The following HAUS6 variants were observed in gnomAD, a reference collection of about 807,000 sequenced individuals.
The protein encoded by HAUS6 is HAUS augmin-like complex subunit 6.
HAUS6 carries 80 observed loss-of-function variants against 106.8 expected under a neutral mutation model. The observed-to-expected ratio is 0.75, with a 90% confidence interval of 0.63 to 0.90. The LOEUF (loss-of-function observed/expected upper bound fraction) is 0.90. Ranked by LOEUF, HAUS6 falls within the 40% of genes least tolerant of loss-of-function variation. The pLI, the probability that HAUS6 is intolerant of heterozygous loss-of-function variation, is 0.00. For missense variants in HAUS6, 1,155 were observed against 1,118.1 expected (o/e 1.03, Z -0.47); for synonymous variants, 356 against 379.1 (o/e 0.94, Z 0.71).
intron 5 of HAUS6, among the ~76,000 whole-genome samples, chr9:19,088,195 A>G (rs1016166511): frequency 6.6e-6 from 1 of 152,076 alleles, no homozygotes; most frequent in Non-Finnish European, 1.5e-5. Context: ...CGGGTGGATC[A>G]CCTGAGGTCA....
chr9:19,060,129 A>G lies in HAUS6; in HGVS notation c.1724T>C (p.Phe575Ser), dbSNP rs1039152894. ...ELIDSLGSNP[F>S]LTRNQIPRTP... ...ACGGGGAATCTGATTCCTTGTTAAG[A>G]AGGGGTTAGAACCCAGAGAGTCAAT... The change falls in exon 15 of 17, where the codon TTC becomes TCC. Residue 575 changes from phenylalanine to serine, a missense_variant. Phe to Ser is a radical substitution (Grantham distance 155). Transcript: ENST00000380502. The G allele has an allele frequency of 3.7e-6, 6 of 1,606,840 alleles. No homozygotes were observed. In the African/African-American group the frequency reaches 6.7e-5, roughly 18 times the overall value.
rs1818018197 is a variant in HAUS6, at chr9:19,102,687, G to A, written c.-36C>T. The stretch of plus-strand genomic sequence containing the variant: ...GGCACGGTGGCTGCAAAGAAAGAAA[G>A]CGCAAGCCCAGGGGACTCGGAGGGC... On this transcript the variant is annotated 5_prime_UTR_variant, in exon 1 of 17. Transcript: ENST00000380502. 1 of 1,601,898 alleles carries A rather than the reference G, an allele frequency of 6.2e-7. No individual in the cohort carries two copies. Among genetic ancestry groups the A allele is most frequent in the Non-Finnish European group, 8.5e-7 (1 of 1,173,750 alleles).
chr9:19,058,752 G>A lies in HAUS6; in HGVS notation c.2015C>T (p.Thr672Ile), dbSNP rs762181341. 6 of 1,614,102 alleles carry A rather than the reference G, an allele frequency of 3.7e-6. No homozygotes were observed. The South Asian group carries it at 5.5e-5, about 15-fold the overall frequency. Residue 672 changes from threonine (T) to isoleucine (I), a missense_variant, in exon 16 of 17, where the codon ACC becomes ATC. Around this residue, in one of 3 missense-constraint regions of HAUS6, gnomAD observed 380 missense variants for 394.8 expected, o/e 0.96. Transcript: ENST00000380502. ...CECVPQKHVL[T>I]SHIDEPPTQN... is the part of the protein sequence containing the mutation. ...TGTTGGTGGTTCATCTATGTGACTG[G>A]TCAGCACATGTTTCTGAGGCACACA...
At chr9:19,083,778 G>A (rs1336990695) in intron 7 of HAUS6, among the ~76,000 whole-genome samples, 1 of 147,394 alleles carries the variant, frequency 6.8e-6, no homozygotes, top group South Asian at 2.2e-4. Context: ...CTCCAGCCTA[G>A]GGGACAGAGC....
chr9:19,092,886 T>C lies in HAUS6; in HGVS notation c.436+285A>G, dbSNP rs183453583. Among the ~76,000 whole-genome samples the C allele has an allele frequency of 5.9e-3, 862 of 147,024 alleles. 29 individuals carry two copies. The highest frequency in any genetic ancestry group is 0.049 in the Admixed American group (707 of 14,480). ...GTTGGAGTGAGCCAAGATCACAGCATTGCACTCCAGCTTGAGCGAAACTGT... is the reference window on the plus strand; with the variant it reads ...GTTGGAGTGAGCCAAGATCACAGCACTGCACTCCAGCTTGAGCGAAACTGT... On this transcript the variant is annotated intron_variant, in intron 4 of 16. Transcript: ENST00000380502.
In HAUS6 at chr9:19,071,925, C is replaced by T. The variant is rs141597039; in HGVS notation, c.1295-1625G>A. Among the ~76,000 whole-genome samples, 645 of 152,170 alleles carry T rather than the reference C, an allele frequency of 4.2e-3. 1 individual carries two copies. Among genetic ancestry groups the T allele is most frequent in the African/African-American group, 0.015 (607 of 41,530 alleles). ...AAAAATTAACTAACTATAAATGGGC[C>T]GAGCCCAGTGGCTCATGCCTGTAAT... On this transcript the variant is annotated intron_variant, in intron 11 of 16. Coordinates refer to ENST00000380502, the MANE Select transcript of HAUS6 (RefSeq NM_017645.5).
intron 14 of HAUS6, among the ~76,000 whole-genome samples, chr9:19,060,557 T>A (rs1836590172): frequency 6.6e-6 from 1 of 152,232 alleles, no homozygotes; most frequent in African/African-American, 2.4e-5. Flanking sequence ...AACTGTGAGC[T>A]TGACAGCTCT....
chr9:19,072,346 C>T (rs770223785), intron 11 of HAUS6, among the ~76,000 whole-genome samples: 1 of 152,086 alleles, frequency 6.6e-6, no homozygotes, highest in Admixed American at 6.6e-5. Flanking sequence ...AACCCCGTCT[C>T]TACTAAAAAT....
In HAUS6 at chr9:19,080,138, C is replaced by A. The variant is rs184082577; in HGVS notation, c.1064+341G>T. ...GTGGTGAGCCAAGATCGCGCCATTG[C>A]ACTCTAGCCTGGGCAACGAGAGCGA... On this transcript the variant is annotated intron_variant, in intron 9 of 16. Coordinates refer to ENST00000380502, the MANE Select transcript of HAUS6 (RefSeq NM_017645.5). Among the ~76,000 whole-genome samples the A allele has an allele frequency of 3.6e-5, 5 of 137,140 alleles. No homozygotes were observed. The East Asian group carries it at 1.1e-3, about 31-fold the overall frequency. 90.0% of individuals were successfully genotyped at this position (137,140 alleles called of 152,430 possible).
intron 1 of HAUS6, among the ~76,000 whole-genome samples, 190 bp from the exon 2 acceptor site, chr9:19,096,959 A>C (rs923880368): frequency 6.6e-6 from 1 of 152,206 alleles, no homozygotes; most frequent in South Asian, 2.1e-4. Context: ...TCATTTTCTA[A>C]TTCTGAAAAC....
chr9:19,082,020 A>G (rs1354370316), intron 8 of HAUS6, among the ~76,000 whole-genome samples: 1 of 152,234 alleles, frequency 6.6e-6, no homozygotes, highest in Non-Finnish European at 1.5e-5. Context: ...AGCTATCCAG[A>G]TAATGTCCCA....
At position 19,082,859 on chromosome 9, in the gene HAUS6, T is replaced by C. The variant is rs1837190426; in HGVS notation, c.870+14A>G. On this transcript the variant is annotated intron_variant, in intron 8 of 16. Coordinates refer to ENST00000380502, the MANE Select transcript of HAUS6 (RefSeq NM_017645.5). ...GGAGTTTTCTCAAAAGCTTCCTTAA[T>C]ATCAAATGCTTACCTGAAACATTTG... The C allele has an allele frequency of 2.2e-6, 3 of 1,381,712 alleles. No homozygotes were observed. The highest frequency in any genetic ancestry group is 1.9e-6 in the Non-Finnish European group (2 of 1,036,680). 85.6% of individuals were successfully genotyped at this position (1,381,712 alleles called of 1,614,324 possible).
At chr9:19,096,564 CAAAAAAAA>C (rs370743421) in intron 2 of HAUS6, 102 bp downstream of exon 2, 215 of 269,206 alleles carry the variant, frequency 8.0e-4, no homozygotes, top group Admixed American at 9.2e-4. Context: ...GACTCCGTCT[CAAAAAAAA>C]AAAAAAAAAA....
chr9:19,078,654 G>T (rs924541036), intron 9 of HAUS6, among the ~76,000 whole-genome samples: 5 of 151,584 alleles, frequency 3.3e-5, no homozygotes, highest in African/African-American at 1.2e-4. Context: ...CGGGCGTAGG[G>T]GTGGGTGCCT....
At chr9:19,078,765 C>G (rs1206884926) in intron 9 of HAUS6, among the ~76,000 whole-genome samples, 3 of 150,256 alleles carry the variant, frequency 2.0e-5, no homozygotes, top group African/African-American at 7.3e-5. Context: ...TCCATGCACT[C>G]CAGCCTGGGA....
intron 10 of HAUS6, 58 bp downstream of exon 10, chr9:19,078,118 C>CAAA (rs375071190): frequency 1.2e-4 from 131 of 1,069,130 alleles, no homozygotes; most frequent in Non-Finnish European, 1.4e-4. Flanking sequence ...GACACTGTCT[C>CAAA]AAAAAAAAAA....
At chr9:19,071,048 C>T (rs1836872440) in intron 11 of HAUS6, among the ~76,000 whole-genome samples, 1 of 152,170 alleles carries the variant, frequency 6.6e-6, no homozygotes, top group African/African-American at 2.4e-5. Flanking sequence ...AGGGCTCGAC[C>T]TCTTTCATCA....
intron 9 of HAUS6, among the ~76,000 whole-genome samples, chr9:19,079,835 C>T (rs897054910): frequency 6.7e-6 from 1 of 150,038 alleles, no homozygotes; most frequent in Non-Finnish European, 1.5e-5. Context: ...CCCGGGAGAT[C>T]ACACCATTGC....
At chr9:19,095,555 A>G (rs565474138) in intron 2 of HAUS6, among the ~76,000 whole-genome samples, 1 of 152,182 alleles carries the variant, frequency 6.6e-6, no homozygotes, top group Admixed American at 6.5e-5. Context: ...AAGAAACCCT[A>G]TACCTTAATA....
Sources: gnomAD v4.1 joint callset for allele counts (sites outside exome capture counted in the v4.1 genomes callset) on GRCh38, gnomAD v4.1.1 for gene constraint, gnomAD v4.1.1 regional missense constraint, MANE v1.5 for transcripts, NCBI Gene and HGNC (gene_info 2026-07-23, HGNC 2026-07-21) for gene names.